NHLRC2: variants seen among roughly 807,000 people sequenced by gnomAD.
The protein encoded by NHLRC2 is NHL repeat containing 2.
NHLRC2 carries 33 observed loss-of-function variants against 68.1 expected under a neutral mutation model. The ratio of observed to expected loss-of-function variants is 0.48; its 90% CI spans 0.37 to 0.65. The LOEUF is 0.65. NHLRC2 is among the 30% of genes least tolerant of loss of function. The pLI is 0.00. For missense variants in NHLRC2, 761 were observed against 853.8 expected (o/e 0.89, Z 1.35); for synonymous variants, 311 against 309.6 (o/e 1.00, Z -0.05).
intron 2 of NHLRC2, among the ~76,000 whole-genome samples, chr10:113,865,171 G>C (rs942497068): frequency 7.9e-5 from 12 of 151,706 alleles, no homozygotes; most frequent in African/African-American, 2.9e-4. Flanking sequence ...GGATGGTCTC[G>C]ATCTTCTGAC....
At chr10:113,873,639 A>G (rs1003956006) in intron 2 of NHLRC2, among the ~76,000 whole-genome samples, 9 of 152,278 alleles carry the variant, frequency 5.9e-5, no homozygotes, top group Non-Finnish European at 1.2e-4. Context: ...CTGGCAAATT[A>G]TATCTCCTGA....
intron 5 of NHLRC2, among the ~76,000 whole-genome samples, chr10:113,885,934 GGAAAA>G (rs1846078599): frequency 6.6e-6 from 1 of 151,872 alleles, no homozygotes; most frequent in Non-Finnish European, 1.5e-5. Context: ...CATCCATATG[GGAAAA>G]GAAAAGTGAA....
chr10:113,876,696 A>T lies in NHLRC2; in HGVS notation c.507A>T (p.Gly169=), dbSNP rs771623809. ...VSCWPTLVIL[G]PRGNMLFSLI... ...GCTGGCCAACTCTAGTCATACTTGG[A>T]CCTCGTGGAAACATGTTGTTTTCTT... Residue 169 remains glycine (G), a synonymous_variant, in exon 3 of 11, where the codon GGA becomes GGT. Coordinates refer to ENST00000369301, the MANE Select transcript of NHLRC2 (RefSeq NM_198514.4). The T allele has an allele frequency of 9.2e-5, 148 of 1,613,846 alleles. No individual in the cohort carries two copies. In the South Asian group the frequency reaches 1.5e-3, roughly 16 times the overall value.
At chr10:113,873,039 A>G (rs988874450) in intron 2 of NHLRC2, among the ~76,000 whole-genome samples, 3 of 152,204 alleles carry the variant, frequency 2.0e-5, no homozygotes, top group Non-Finnish European at 4.4e-5. Context: ...ATTGAAAAAC[A>G]AAGAACGTAA....
At position 113,908,310 on chromosome 10, in the gene NHLRC2, C is replaced by T. The variant is rs1223412444; in HGVS notation, c.1955C>T (p.Ala652Val). 7 of 1,612,822 alleles carry T rather than the reference C, an allele frequency of 4.3e-6. No individual in the cohort carries two copies. In the South Asian group the frequency reaches 6.6e-5, roughly 15 times the overall value. Residue 652 changes from alanine to valine, a missense_variant, in exon 11 of 11, where the codon GCA becomes GTA. Transcript: ENST00000369301. Reference protein sequence around the residue: ...GNEWLLQGQIAAGDIENISSQ... With the variant: ...GNEWLLQGQIVAGDIENISSQ... ...GAATGGCTACTTCAAGGACAGATAG[C>T]AGCTGGAGATATAGAGAACATTTCC...
chr10:113,891,397 TG>T (rs1846129867), intron 5 of NHLRC2, among the ~76,000 whole-genome samples: 1 of 152,234 alleles, frequency 6.6e-6, no homozygotes, highest in African/African-American at 2.4e-5. Context: ...TGCTTTTATG[TG>T]TGTCTTCTCA....
intron 2 of NHLRC2, among the ~76,000 whole-genome samples, chr10:113,871,366 T>C (rs1398973947): frequency 1.3e-5 from 2 of 152,160 alleles, no homozygotes; most frequent in African/African-American, 4.8e-5. Flanking sequence ...ATTGAGTCTC[T>C]GGACTTTTCT....
chr10:113,880,317 T>C (rs936290002), intron 4 of NHLRC2, among the ~76,000 whole-genome samples: 20 of 152,154 alleles, frequency 1.3e-4, no homozygotes, highest in Admixed American at 1.1e-3. Flanking sequence ...TAAACAAATG[T>C]AATGATGCTA....
At chr10:113,901,948 A>G (rs754994551) in intron 7 of NHLRC2, 51 bp downstream of exon 7, 2 of 1,225,994 alleles carry the variant, frequency 1.6e-6, no homozygotes, top group African/African-American at 1.5e-5. Context: ...GCAAGCTGTC[A>G]ATTTTGTGAA....
chr10:113,903,524 TA>T lies in NHLRC2; in HGVS notation c.1495-2del. Reference sequence around the variant, plus strand: ...ATATAAGTTTTTGTTCTTTCTTTTTTAGATTAAAGTTGTGGATCCAAAAACA... The same window carrying T: ...ATATAAGTTTTTGTTCTTTCTTTTTTGATTAAAGTTGTGGATCCAAAAACA... On this transcript the variant is annotated splice_acceptor_variant, in intron 8 of 10. Coordinates refer to ENST00000369301, the MANE Select transcript of NHLRC2 (RefSeq NM_198514.4). LOFTEE classifies it high-confidence loss of function. 1 of 1,576,848 alleles carries T rather than the reference TA, an allele frequency of 6.3e-7. No individual in the cohort carries two copies. The highest frequency in any genetic ancestry group is 8.7e-7 in the Non-Finnish European group (1 of 1,152,102).
At position 113,879,650 on chromosome 10, in the gene NHLRC2, T is replaced by C; in HGVS notation, c.864T>C (p.Asn288=). The C allele has an allele frequency of 2.6e-6, 4 of 1,560,610 alleles. No homozygotes were observed. The highest frequency in any genetic ancestry group is 3.5e-6 in the Non-Finnish European group (4 of 1,139,160). Residue 288 remains asparagine (N), a synonymous_variant, in exon 4 of 11, where the codon AAT becomes AAC. Coordinates refer to ENST00000369301, the MANE Select transcript of NHLRC2 (RefSeq NM_198514.4). ...CTCCACAGGGTGTAGCCATAATGAA[T>C]AATATCATATATGTGGCAGACACTG... ...FNSPQGVAIM[N]NIIYVADTEN... is the part of the protein sequence containing the mutation.
At chr10:113,892,489 A>T (rs1846141656) in intron 5 of NHLRC2, among the ~76,000 whole-genome samples, 1 of 152,108 alleles carries the variant, frequency 6.6e-6, no homozygotes. Context: ...TTAAAATGGA[A>T]ATGTTCATGA....
At chr10:113,896,038 A>T (rs1846174083) in intron 5 of NHLRC2, among the ~76,000 whole-genome samples, 1 of 152,172 alleles carries the variant, frequency 6.6e-6, no homozygotes, top group Non-Finnish European at 1.5e-5. Context: ...GAGGATGTGG[A>T]GAAATAGGAA....
Position 113,916,404 on chromosome 10 carries a change from TGTA to T in NHLRC2, c.*7872_*7874del, listed in dbSNP as rs1040945810. On this transcript the variant is annotated 3_prime_UTR_variant, in exon 11 of 11. Coordinates refer to ENST00000369301, the MANE Select transcript of NHLRC2 (RefSeq NM_198514.4). ...AACAGATATGGCAGAACAATTTTGT[TGTA>T]GTATTTTTTTCCGTAGCATTTCTTA... 10 of 152,222 alleles carry T rather than the reference TGTA, an allele frequency of 6.6e-5. No individual in the cohort carries two copies. The highest frequency in any genetic ancestry group is 3.3e-4 in the Admixed American group (5 of 15,282). The allele number at this position is 152,222 out of a possible 1,614,324, so 9.4% of individuals were successfully genotyped here.
chr10:113,896,399 A>C (rs1846177959), intron 5 of NHLRC2, among the ~76,000 whole-genome samples: 2 of 151,804 alleles, frequency 1.3e-5, no homozygotes. Context: ...CATCATTCTC[A>C]GTAAACTATG....
At chr10:113,877,536 G>A (rs1329583517) in intron 3 of NHLRC2, among the ~76,000 whole-genome samples, 1 of 152,074 alleles carries the variant, frequency 6.6e-6, no homozygotes, top group African/African-American at 2.4e-5. Context: ...TGAGTATCAT[G>A]CAAGCGTAGA....
At chr10:113,855,115 T>C in intron 1 of NHLRC2, 65 bp downstream of exon 1, 1 of 1,399,124 alleles carries the variant, frequency 7.1e-7, no homozygotes, top group African/African-American at 1.4e-5. Context: ...GACGGCGCCC[T>C]CCCGCGAAGC....
rs1290711726 is a variant in NHLRC2 at position 113,912,691 on chromosome 10, A to G, written c.*4155A>G. 6.6e-6 allele frequency: 1 copy of G among 152,226 alleles called. No individual in the cohort carries two copies. Among genetic ancestry groups the G allele is most frequent in the Non-Finnish European group, 1.5e-5 (1 of 68,030 alleles). 9.4% of individuals were successfully genotyped at this position (152,226 alleles called of 1,614,324 possible). ...TGTGTATTGCCTCATTTGAGCTTCA[A>G]ATAACCTTATAAATCGGGCAGGTAG... On this transcript the variant is annotated 3_prime_UTR_variant, in exon 11 of 11. Coordinates refer to ENST00000369301, the MANE Select transcript of NHLRC2 (RefSeq NM_198514.4).
chr10:113,907,901 A>G (rs907001056), intron 10 of NHLRC2, among the ~76,000 whole-genome samples: 1 of 152,200 alleles, frequency 6.6e-6, no homozygotes, highest in African/African-American at 2.4e-5. Context: ...TCTCTTTGGT[A>G]AAAATGATCC....
Sources: allele counts gnomAD v4.1 joint callset (sites outside exome capture counted in the v4.1 genomes callset), GRCh38; gene constraint gnomAD v4.1.1; transcripts MANE v1.5; gene names NCBI Gene and HGNC (gene_info 2026-07-23, HGNC 2026-07-21).